The following SPMIP2 variants were observed in gnomAD, a reference collection of about 807,000 sequenced individuals.
SPMIP2 encodes protein SPMIP2.
At chr4:158,965,320 C>T in the SPMIP2 span, among the ~76,000 whole-genome samples, 2 of 151,706 alleles carry the variant, frequency 1.3e-5, no homozygotes, top group Admixed American at 1.3e-4. Flanking sequence ...GATGGATGAC[C>T]AGCCATTCTG....
chr4:158,930,690 T>G, the SPMIP2 span, among the ~76,000 whole-genome samples: 102,132 of 151,834 alleles, frequency 0.67, 34,750 homozygotes, highest in East Asian at 0.89. Flanking sequence ...AGAGATGAGA[T>G]CTGACTACAT....
At chr4:159,035,087 C>T in the SPMIP2 span, 2 of 1,612,948 alleles carry the variant, frequency 1.2e-6, no homozygotes, top group Admixed American at 1.7e-5. Context: ...TGGTATGATA[C>T]AGATGCCATG....
chr4:158,978,290 T>C, the SPMIP2 span, among the ~76,000 whole-genome samples: 4 of 151,100 alleles, frequency 2.6e-5, no homozygotes, highest in Non-Finnish European at 4.5e-5. Flanking sequence ...GAGACTGTTA[T>C]GATTTCTGAT....
At chr4:159,012,549 A>G in the SPMIP2 span, among the ~76,000 whole-genome samples, 1,048 of 148,874 alleles carry the variant, frequency 7.0e-3, 6 homozygotes, top group Non-Finnish European at 9.6e-3. Context: ...GAATAACCTT[A>G]GCTAACCTAT....
At chr4:158,897,747 C>T in the SPMIP2 span, among the ~76,000 whole-genome samples, 1 of 152,048 alleles carries the variant, frequency 6.6e-6, no homozygotes, top group Non-Finnish European at 1.5e-5. Flanking sequence ...AGCCCTTTAT[C>T]AGATGGGAAG....
the SPMIP2 span, among the ~76,000 whole-genome samples, chr4:158,917,987 G>T: frequency 6.6e-6 from 1 of 152,190 alleles, no homozygotes; most frequent in East Asian, 1.9e-4. Flanking sequence ...CCAAAGTGCT[G>T]GGATTACAGG....
At chr4:158,943,191 G>C in the SPMIP2 span, among the ~76,000 whole-genome samples, 1 of 152,134 alleles carries the variant, frequency 6.6e-6, no homozygotes. Flanking sequence ...ATTTTATTCT[G>C]TGTTTTAATA....
chr4:159,051,349 C>T, the SPMIP2 span, among the ~76,000 whole-genome samples: 38 of 152,192 alleles, frequency 2.5e-4, no homozygotes, highest in East Asian at 1.2e-3. Flanking sequence ...GGGGGAGCTT[C>T]GTCCTTCTTG....
the SPMIP2 span, among the ~76,000 whole-genome samples, chr4:158,967,026 C>G: frequency 0.28 from 42,688 of 152,180 alleles, 6,608 homozygotes; most frequent in South Asian, 0.43. Context: ...ACTCTTTGTG[C>G]AACTGCTTTG....
chr4:158,964,150 CTCAAA>C, the SPMIP2 span, among the ~76,000 whole-genome samples: 2 of 79,378 alleles, frequency 2.5e-5, no homozygotes, highest in African/African-American at 6.4e-5. Flanking sequence ...GTGAGACTAT[CTCAAA>C]ACAAAACAAA....
chr4:158,977,534 C>CA, the SPMIP2 span, among the ~76,000 whole-genome samples: 1 of 140,646 alleles, frequency 7.1e-6, no homozygotes, highest in Non-Finnish European at 1.5e-5. Context: ...TTGATATTTT[C>CA]AAAAAATCAG....
the SPMIP2 span, among the ~76,000 whole-genome samples, chr4:158,974,364 T>C: frequency 6.6e-6 from 1 of 152,188 alleles, no homozygotes; most frequent in Admixed American, 6.5e-5. Flanking sequence ...AACGTGCAGA[T>C]TTGTTACATA....
the SPMIP2 span, among the ~76,000 whole-genome samples, chr4:158,965,777 A>G: frequency 6.6e-6 from 1 of 152,160 alleles, no homozygotes; most frequent in Non-Finnish European, 1.5e-5. Flanking sequence ...CTTTATCTAC[A>G]ATTTGGTCTC....
the SPMIP2 span, among the ~76,000 whole-genome samples, chr4:158,897,468 A>T: frequency 6.6e-6 from 1 of 152,204 alleles, no homozygotes; most frequent in African/African-American, 2.4e-5. Flanking sequence ...ACAGTGTAAA[A>T]GTGTTCCTAT....
the SPMIP2 span, among the ~76,000 whole-genome samples, chr4:158,917,824 C>A: frequency 7.0e-6 from 1 of 142,992 alleles, no homozygotes; most frequent in East Asian, 2.1e-4. Context: ...CAGGTCCAAG[C>A]AATTTACCTG....
At chr4:159,042,326 T>C in the SPMIP2 span, among the ~76,000 whole-genome samples, 2 of 152,230 alleles carry the variant, frequency 1.3e-5, no homozygotes, top group Non-Finnish European at 2.9e-5. Context: ...AGTTTTGACT[T>C]GGCTGCTGCT....
At chr4:159,080,213 T>C in the SPMIP2 span, among the ~76,000 whole-genome samples, 62 of 143,820 alleles carry the variant, frequency 4.3e-4, no homozygotes, top group African/African-American at 1.6e-3. Context: ...ACTTTATTTA[T>C]TTATTTATTT....
chr4:158,995,465 A>C, the SPMIP2 span, among the ~76,000 whole-genome samples: 17 of 152,318 alleles, frequency 1.1e-4, no homozygotes, highest in South Asian at 3.3e-3. Flanking sequence ...ACCTTACCAC[A>C]TGCCCAATAC....
At chr4:159,072,668 G>A in the SPMIP2 span, among the ~76,000 whole-genome samples, 100 of 152,012 alleles carry the variant, frequency 6.6e-4, no homozygotes, top group Non-Finnish European at 1.1e-3. Context: ...TCGCCATATT[G>A]CCTAGGCTGG....
Sources: gnomAD v4.1 joint callset for allele counts (sites outside exome capture counted in the v4.1 genomes callset) on GRCh38, gnomAD v4.1.1 for gene constraint, MANE v1.5 for transcripts, NCBI Gene and HGNC (gene_info 2026-07-23, HGNC 2026-07-21) for gene names.